EFHC2: variants seen among roughly 807,000 people sequenced by gnomAD.
EFHC2 encodes EF-hand domain-containing family member C2.
EFHC2 carries 18 observed loss-of-function variants against 52.7 expected under a neutral mutation model. The ratio of observed to expected loss-of-function variants is 0.34; its 90% CI spans 0.24 to 0.51. EFHC2 has a LOEUF of 0.51. Ranked by LOEUF, EFHC2 falls within the 20% of genes least tolerant of loss-of-function variation. EFHC2 has a pLI of 0.97. For missense variants in EFHC2, 513 were observed against 562.5 expected, an observed-to-expected ratio of 0.91 and a Z score of 0.89; for synonymous variants, 203 against 204.1, an observed-to-expected ratio of 0.99 and a Z score of 0.04.
intron 1 of EFHC2, among the ~76,000 whole-genome samples, chrX:44,331,963 G>A (rs1184771577): frequency 2.7e-5 from 3 of 109,937 alleles, no homozygotes; most frequent in Non-Finnish European, 5.7e-5. Context: ...TTACCATTGG[G>A]GCAAATGGGG....
chrX:44,153,796 A>C (rs1458816615), intron 14 of EFHC2, among the ~76,000 whole-genome samples: 1 of 112,512 alleles, frequency 8.9e-6, no homozygotes, highest in Non-Finnish European at 1.9e-5. Context: ...TGTACTTCCT[A>C]ATAAATCTGC....
intron 11 of EFHC2, among the ~76,000 whole-genome samples, chrX:44,188,433 T>C (rs1402281533): frequency 8.9e-6 from 1 of 112,006 alleles, no homozygotes; most frequent in African/African-American, 3.2e-5. Context: ...CCCTTGTCCA[T>C]GAATCCATTC....
In EFHC2 at chrX:44,219,145, TA is replaced by T. The variant is rs10669527; in HGVS notation, c.1751+10503del. ...AGAACAGAGAAAAACCACCTATAGT[TA>T]AAAAAAAAAAAAAAGCACCTAAAGT... On this transcript the variant is annotated intron_variant, in intron 11 of 14. Coordinates refer to ENST00000420999, the MANE Select transcript of EFHC2 (RefSeq NM_025184.4). Among the ~76,000 whole-genome samples the T allele has an allele frequency of 6.0e-3, 476 of 79,287 alleles. 3 individuals are homozygous for T. Among genetic ancestry groups the T allele is most frequent in the East Asian group, 0.034 (85 of 2,532 alleles). 68.9% of individuals were successfully genotyped at this position (79,287 alleles called of 115,157 possible).
intron 3 of EFHC2, among the ~76,000 whole-genome samples, chrX:44,264,165 A>C (rs2037560124): frequency 8.9e-6 from 1 of 112,385 alleles, no homozygotes; most frequent in African/African-American, 3.2e-5. Flanking sequence ...TTGGGCTTTC[A>C]GACTCTAACT....
At chrX:44,255,120 G>A (rs1180801172) in intron 4 of EFHC2, among the ~76,000 whole-genome samples, 1 of 112,237 alleles carries the variant, frequency 8.9e-6, no homozygotes, top group Non-Finnish European at 1.9e-5. Context: ...GCTCCTGAAG[G>A]AAGCACTAAA....
Position 44,343,629 on chromosome X carries a change from G to A in EFHC2, c.-41C>T, listed in dbSNP as rs2038166847. The A allele has an allele frequency of 1.9e-6, 2 of 1,037,087 alleles. No homozygotes were observed. The highest frequency in any genetic ancestry group is 2.5e-6 in the Non-Finnish European group (2 of 804,623). 85.5% of individuals were successfully genotyped at this position (1,037,087 alleles called of 1,213,427 possible). ...AAAATCCAGGGTCCCAGAAGAGAGG[G>A]CCCGGCAGGCAGCGGCGCCTCCCGG... On this transcript the variant is annotated 5_prime_UTR_variant, in exon 1 of 15. Transcript: ENST00000420999.
intron 2 of EFHC2, among the ~76,000 whole-genome samples, chrX:44,280,030 T>TACACACACACACACACACAC (rs766337222): frequency 2.8e-4 from 19 of 66,821 alleles, no homozygotes; most frequent in African/African-American, 1.0e-3. Context: ...CCATCCCCCA[T>TACACACACACACACACACAC]ACACACACAC....
intron 13 of EFHC2, among the ~76,000 whole-genome samples, chrX:44,169,176 T>C (rs1372562140): frequency 8.9e-6 from 1 of 111,945 alleles, no homozygotes; most frequent in Non-Finnish European, 1.9e-5. Context: ...GGCTGGAATA[T>C]AAACTTAAGG....
chrX:44,201,061 G>A (rs2147295554), intron 11 of EFHC2, among the ~76,000 whole-genome samples: 1 of 112,019 alleles, frequency 8.9e-6, no homozygotes, highest in African/African-American at 3.2e-5. Flanking sequence ...AAAGAATTAA[G>A]AAGATGCAGA....
intron 2 of EFHC2, among the ~76,000 whole-genome samples, chrX:44,287,058 T>C (rs1274248872): frequency 1.1e-5 from 1 of 93,867 alleles, no homozygotes; most frequent in Non-Finnish European, 2.1e-5. Flanking sequence ...AAAAAAAGTT[T>C]TTTAATGAAA....
intron 11 of EFHC2, among the ~76,000 whole-genome samples, chrX:44,201,257 C>T (rs187188145): frequency 9.0e-6 from 1 of 111,201 alleles, no homozygotes; most frequent in Admixed American, 9.6e-5. Context: ...AAGTAATACT[C>T]AGAAGGCAAA....
intron 4 of EFHC2, among the ~76,000 whole-genome samples, chrX:44,257,885 T>C (rs185218527): frequency 2.1e-4 from 23 of 112,013 alleles, no homozygotes; most frequent in African/African-American, 7.1e-4. Flanking sequence ...CTTCAAACTA[T>C]ACTACAAGTT....
intron 11 of EFHC2, among the ~76,000 whole-genome samples, chrX:44,205,416 A>T (rs2037040893): frequency 1.5e-5 from 1 of 65,951 alleles, no homozygotes; most frequent in African/African-American, 5.0e-5. Flanking sequence ...AAATTAGATT[A>T]AAAAAAAAAA....
chrX:44,282,146 T>C (rs11091252), intron 2 of EFHC2, among the ~76,000 whole-genome samples: 16,719 of 108,215 alleles, frequency 0.15, 1,295 homozygotes, highest in African/African-American at 0.28. Flanking sequence ...AAAAAAAAGG[T>C]AGAATAAGGG....
chrX:44,327,735 G>A (rs2038061245), intron 1 of EFHC2, among the ~76,000 whole-genome samples: 1 of 111,631 alleles, frequency 9.0e-6, no homozygotes, highest in Non-Finnish European at 1.9e-5. Flanking sequence ...GAGCATGAAA[G>A]CCATCATTAC....
At chrX:44,278,826 T>G (rs935541768) in intron 2 of EFHC2, among the ~76,000 whole-genome samples, 2 of 112,226 alleles carry the variant, frequency 1.8e-5, no homozygotes, top group Non-Finnish European at 3.8e-5. Context: ...TAAAAATAGT[T>G]TTTCCTGTTT....
intron 3 of EFHC2, among the ~76,000 whole-genome samples, chrX:44,269,187 C>T (rs2037599535): frequency 9.0e-6 from 1 of 110,867 alleles, no homozygotes. Context: ...CATTTCTAGT[C>T]TTGACTTTTT....
intron 11 of EFHC2, among the ~76,000 whole-genome samples, chrX:44,216,155 T>C (rs7879675): frequency 1.8e-5 from 2 of 112,567 alleles, no homozygotes; most frequent in East Asian, 5.6e-4. Context: ...CCAGTTAATA[T>C]TGCTTTTTAA....
chrX:44,225,250 T>A (rs868698690), intron 11 of EFHC2, among the ~76,000 whole-genome samples: 31 of 95,347 alleles, frequency 3.3e-4, no homozygotes, highest in African/African-American at 1.1e-3. Context: ...ATAAAAAAAT[T>A]AAAAAAAAAA....
Sources: gnomAD v4.1 joint callset for allele counts (sites outside exome capture counted in the v4.1 genomes callset) on GRCh38, gnomAD v4.1.1 for gene constraint, MANE v1.5 for transcripts, NCBI Gene and HGNC (gene_info 2026-07-23, HGNC 2026-07-21) for gene names.